PRH1: variants seen among roughly 807,000 people sequenced by gnomAD.
The protein encoded by PRH1 is salivary acidic proline-rich phosphoprotein 1/2.
Under a neutral mutation model 7.9 loss-of-function variants are expected in PRH1, and 7 were observed. That is an observed-to-expected ratio of 0.89 (90% CI 0.50 to 1.67). PRH1 has a LOEUF of 1.67. Among genes scored for constraint, PRH1 ranks in the 40% most tolerant of loss-of-function variants. The pLI is 0.00. For synonymous variants in PRH1, 45 were observed against 80.8 expected (o/e 0.56, Z 2.38); for missense variants, 109 against 223.6 (o/e 0.49, Z 3.27).
At chr12:10,919,675 T>A (rs1950018831) in intron 2 of PRH1, among the ~76,000 whole-genome samples, 1 of 142,806 alleles carries the variant, frequency 7.0e-6, no homozygotes, top group Middle Eastern at 3.5e-3. Flanking sequence ...ACAGTCTACG[T>A]TTTTTTTTTG....
At chr12:11,130,783 C>G (rs952921983) in intron 1 of PRH1, among the ~76,000 whole-genome samples, 1 of 152,118 alleles carries the variant, frequency 6.6e-6, no homozygotes, top group African/African-American at 2.4e-5. Flanking sequence ...ACAGCAAGTG[C>G]AGAACATTAA....
chr12:11,129,873 G>A (rs1055749897), intron 1 of PRH1, among the ~76,000 whole-genome samples: 6 of 152,180 alleles, frequency 3.9e-5, no homozygotes, highest in Admixed American at 6.5e-5. Flanking sequence ...ATTACAGACC[G>A]GGCCCTGTGG....
At chr12:10,995,175 T>G (rs951812405) in intron 1 of PRH1, among the ~76,000 whole-genome samples, 1 of 152,180 alleles carries the variant, frequency 6.6e-6, no homozygotes, top group Non-Finnish European at 1.5e-5. Context: ...CCCAATATAG[T>G]TCATATTCAT....
intron 1 of PRH1, among the ~76,000 whole-genome samples, chr12:10,980,535 T>C (rs938389075): frequency 1.3e-5 from 2 of 152,018 alleles, no homozygotes; most frequent in African/African-American, 4.8e-5. Context: ...AAGCTTTATA[T>C]AATGAGAAAT....
intron 1 of PRH1, among the ~76,000 whole-genome samples, chr12:11,019,054 A>G (rs1941450653): frequency 6.6e-6 from 1 of 152,296 alleles, no homozygotes; most frequent in African/African-American, 2.4e-5. Flanking sequence ...GGTTAGTGTG[A>G]CTTTCCCAAA....
rs552403749 is a variant in PRH1 at position 11,017,671 on chromosome 12, T to A, written c.-126+29349A>T. Among the ~76,000 whole-genome samples the A allele has an allele frequency of 2.0e-5, 3 of 151,976 alleles. No homozygotes were observed. In the East Asian group the frequency reaches 5.8e-4, roughly 30 times the overall value. On this transcript the variant is annotated intron_variant, in intron 1 of 3. Transcript: ENST00000539853. ...GGCTAAATTTTTTTGTATTTTTTTT[T>A]AAGTAGAGATGGGGTTTCACCATGT...
chr12:10,940,468 G>T (rs1485141352), intron 2 of PRH1, among the ~76,000 whole-genome samples: 1 of 152,192 alleles, frequency 6.6e-6, no homozygotes. Flanking sequence ...TCTATCTATT[G>T]TCTCATAAAG....
intron 1 of PRH1, among the ~76,000 whole-genome samples, chr12:11,101,221 G>T (rs1222403900): frequency 1.3e-5 from 2 of 152,256 alleles, no homozygotes; most frequent in African/African-American, 4.8e-5. Context: ...AGGTGTGGTG[G>T]CTCACACCTG....
chr12:10,985,400 A>C (rs997848636), intron 1 of PRH1, among the ~76,000 whole-genome samples: 3 of 152,088 alleles, frequency 2.0e-5, no homozygotes, highest in African/African-American at 7.2e-5. Context: ...ACATAAAATT[A>C]GAATTCATGA....
At chr12:10,884,827 A>G (rs35607421), upstream of PRH1, among the ~76,000 whole-genome samples, 75,698 of 151,422 alleles carry the variant, frequency 0.5, 21,137 homozygotes, top group East Asian at 0.72. Context: ...TATGAGAGAA[A>G]GGTGCTGGCA....
chr12:10,969,853 G>A (rs1487310637), intron 2 of PRH1, among the ~76,000 whole-genome samples: 1 of 152,136 alleles, frequency 6.6e-6, no homozygotes, highest in Non-Finnish European at 1.5e-5. Flanking sequence ...AGGCTAGAGT[G>A]CCATGGTACA....
intron 2 of PRH1, among the ~76,000 whole-genome samples, chr12:10,902,931 C>G (rs1949743905): frequency 6.6e-6 from 1 of 152,132 alleles, no homozygotes; most frequent in Admixed American, 6.6e-5. Context: ...GCCCAAGACC[C>G]TATAAAGAAA....
At chr12:10,892,890 T>C (rs1949594699) in intron 2 of PRH1, among the ~76,000 whole-genome samples, 1 of 152,226 alleles carries the variant, frequency 6.6e-6, no homozygotes, top group Non-Finnish European at 1.5e-5. Context: ...AAATCATTCC[T>C]GTCTCAAAGT....
At chr12:11,053,483 T>G (rs1943237523) in intron 1 of PRH1, among the ~76,000 whole-genome samples, 1 of 152,288 alleles carries the variant, frequency 6.6e-6, no homozygotes, top group Admixed American at 6.5e-5. Context: ...TATAATTGTT[T>G]TCTTAAGCAA....
chr12:10,890,004 G>T (rs1949547685), intron 2 of PRH1, among the ~76,000 whole-genome samples: 1 of 152,146 alleles, frequency 6.6e-6, no homozygotes, highest in Non-Finnish European at 1.5e-5. Context: ...TTTCAAGGTT[G>T]TAATTTCTTG....
rs117206779 is a variant in PRH1, at chr12:11,013,599, A to C, written c.-126+33421T>G. On this transcript the variant is annotated intron_variant, in intron 1 of 3. Coordinates refer to the PRH1 transcript ENST00000539853. Reference sequence around the variant, plus strand: ...TTTCTCTACTTAGATCATTATGTCTATAATAATAATAATCCCCTGCCTATC... The same window carrying C: ...TTTCTCTACTTAGATCATTATGTCTCTAATAATAATAATCCCCTGCCTATC... 3.0e-3 allele frequency among the ~76,000 whole-genome samples: 463 copies of C among 152,252 alleles called. 4 individuals carry two copies. The highest frequency in any genetic ancestry group is 4.4e-3 in the Non-Finnish European group (301 of 68,002).
chr12:11,128,563 G>A (rs1052253797), intron 1 of PRH1, among the ~76,000 whole-genome samples: 26 of 152,246 alleles, frequency 1.7e-4, no homozygotes, highest in African/African-American at 6.3e-4. Flanking sequence ...TGGCCAACAT[G>A]GTGAAACCCT....
intron 1 of PRH1, among the ~76,000 whole-genome samples, chr12:11,148,274 T>A (rs941280433): frequency 6.6e-6 from 1 of 152,028 alleles, no homozygotes; most frequent in Non-Finnish European, 1.5e-5. Context: ...TTGAATACCC[T>A]TTATTTCCTT....
intron 1 of PRH1, among the ~76,000 whole-genome samples, chr12:11,054,617 A>C (rs1037832154): frequency 6.6e-6 from 1 of 152,234 alleles, no homozygotes; most frequent in Non-Finnish European, 1.5e-5. Context: ...AATGGGCATA[A>C]TTATTTCATT....
Sources: gnomAD v4.1 joint callset for allele counts (sites outside exome capture counted in the v4.1 genomes callset) on GRCh38, gnomAD v4.1.1 for gene constraint, MANE v1.5 for transcripts, NCBI Gene and HGNC (gene_info 2026-07-23, HGNC 2026-07-21) for gene names.